Variants in MAP1S observed in about 807,000 individuals in gnomAD.
MAP1S encodes the protein microtubule-associated protein 1S.
In MAP1S, 27 loss-of-function variants were observed where a neutral mutation model predicts 60.9. The ratio of observed to expected loss-of-function variants is 0.44; its 90% CI spans 0.33 to 0.61. The LOEUF (loss-of-function observed/expected upper bound fraction) is 0.61, where lower values mean the gene tolerates loss of function less well. Among genes scored for constraint, MAP1S ranks in the 20% least tolerant of loss-of-function variants. The pLI is 0.03. For missense variants in MAP1S, 1,608 were observed against 1,486.6 expected (o/e 1.08, Z -1.34); for synonymous variants, 826 against 694.2 (o/e 1.19, Z -2.98).
chr19:17,724,714 G>A (rs1466159172), intron 3 of MAP1S, among the ~76,000 whole-genome samples: 1 of 152,140 alleles, frequency 6.6e-6, no homozygotes, highest in Non-Finnish European at 1.5e-5. Flanking sequence ...GTCTTTAAGA[G>A]ACAGAGTGAG....
At chr19:17,730,273 C>T (rs908075391) in intron 5 of MAP1S, among the ~76,000 whole-genome samples, 6 of 152,264 alleles carry the variant, frequency 3.9e-5, no homozygotes, top group Admixed American at 2.6e-4. Flanking sequence ...ATTTGTCTGT[C>T]TTCTTTGGAG....
intron 2 of MAP1S, among the ~76,000 whole-genome samples, chr19:17,721,680 G>GAACA (rs539457374): frequency 2.6e-5 from 4 of 152,232 alleles, no homozygotes; most frequent in East Asian, 1.9e-4. Flanking sequence ...CTCTGTCTCA[G>GAACA]AACAAACAAA....
chr19:17,725,977 C>T lies in MAP1S; in HGVS notation c.593C>T (p.Pro198Leu), dbSNP rs773060649. The change falls in exon 5 of 7, where the codon CCG (proline) becomes CTG (leucine). Residue 198 changes from proline (P) to leucine (L), a missense_variant. This residue lies in a region of MAP1S where 320 missense variants were observed against 393.1 expected (regional missense o/e 0.81). Transcript: ENST00000324096. The surrounding 1 kb of genome is among the most constrained non-coding windows in gnomAD (Gnocchi z 4.2). ...ALRLQLRLNP[P>L]AQLPNSEGLC... ...CGGCTCCAGCTGCGGCTGAACCCCC[C>T]GGCGCAGCTGCCCAACTCTGAGGGC... The T allele has an allele frequency of 8.1e-6, 13 of 1,612,078 alleles. No homozygotes were observed. The highest frequency in any genetic ancestry group is 1.7e-5 in the Admixed American group (1 of 59,804).
chr19:17,732,553 C>T (rs919411392), intron 5 of MAP1S, among the ~76,000 whole-genome samples: 4 of 152,318 alleles, frequency 2.6e-5, no homozygotes, highest in Admixed American at 6.5e-5. Flanking sequence ...ATCTTGGGCC[C>T]GCCTCTCAAG....
In MAP1S at chr19:17,725,853, C is replaced by G. The variant is rs781607559; in HGVS notation, c.469C>G (p.Pro157Ala). The part of the protein sequence containing the change: ...REIRDILATT[P>A]PPVQPPILTI... ...GATCCGGGACATCCTGGCCACCACGCCCCCACCTGTGCAGCCGCCCATACT... is the reference window on the plus strand; with the variant it reads ...GATCCGGGACATCCTGGCCACCACGGCCCCACCTGTGCAGCCGCCCATACT... Residue 157 changes from proline (P) to alanine (A), a missense_variant, in exon 5 of 7, where the codon CCC (proline) becomes GCC (alanine). This residue lies in a region of MAP1S where 320 missense variants were observed against 393.1 expected (regional missense o/e 0.81). Transcript: ENST00000324096. This position sits in a 1 kb window ranked among gnomAD's most constrained non-coding sequence, Gnocchi z 4.2. The G allele has an allele frequency of 8.1e-6, 13 of 1,612,804 alleles. No individual in the cohort carries two copies. The highest frequency in any genetic ancestry group is 6.7e-5 in the African/African-American group (5 of 74,936).
At chr19:17,728,208 C>T (rs771149344) in intron 5 of MAP1S, 36 bp downstream of exon 5, 2 of 1,529,996 alleles carry the variant, frequency 1.3e-6, no homozygotes, top group Admixed American at 2.1e-5. Context: ...GCTGGGTTAG[C>T]AGCTGCTTAG....
intron 5 of MAP1S, among the ~76,000 whole-genome samples, chr19:17,729,631 G>C (rs1263101827): frequency 6.6e-6 from 1 of 151,196 alleles, no homozygotes; most frequent in Non-Finnish European, 1.5e-5. Flanking sequence ...TCAACCTCCC[G>C]AACAGGTGGG....
rs369657030 is a variant in MAP1S, at chr19:17,727,033, A to C, written c.1649A>C (p.Asn550Thr). 1.2e-6 allele frequency: 2 copies of C among 1,604,286 alleles called. No individual in the cohort carries two copies. The highest frequency in any genetic ancestry group is 4.5e-5 in the East Asian group (2 of 44,478). ...CGCCGGGCAGCCTCTTCTGTGCCCA[A>C]CCTCAAGAAGACGAATGCCCAGGCG... Reference protein sequence around the residue: ...EVRRAASSVPNLKKTNAQAAP... With the variant: ...EVRRAASSVPTLKKTNAQAAP... The change falls in exon 5 of 7, where the codon AAC becomes ACC. Residue 550 changes from asparagine to threonine, a missense_variant. Physicochemically the swap from Asn to Thr is moderately conservative, Grantham distance 65. Transcript: ENST00000324096. This position sits in a 1 kb window ranked among gnomAD's most constrained non-coding sequence, Gnocchi z 4.1.
At position 17,719,554 on chromosome 19, in the gene MAP1S, C is replaced by G. The variant is rs1351612272; in HGVS notation, c.52C>G (p.Leu18Val). ...GAAAAPSSLL[L>V]VVGSEFGSPG... Reference sequence around the variant, plus strand: ...TGCCGCGGCTCCGAGCTCACTGCTCCTCGTGGTGGGCAGCGAGTTCGGGAG... The same window carrying G: ...TGCCGCGGCTCCGAGCTCACTGCTCGTCGTGGTGGGCAGCGAGTTCGGGAG... Residue 18 changes from leucine to valine, a missense_variant, in exon 1 of 7, where the codon CTC (leucine) becomes GTC (valine). Coordinates refer to ENST00000324096, the MANE Select transcript of MAP1S (RefSeq NM_018174.6). 1 of 1,246,132 alleles carries G rather than the reference C, an allele frequency of 8.0e-7. No homozygotes were observed. Among genetic ancestry groups the G allele is most frequent in the Non-Finnish European group, 1.0e-6 (1 of 987,588 alleles). The allele number at this position is 1,246,132 out of a possible 1,614,324, so 77.2% of individuals were successfully genotyped here. A position where few individuals can be genotyped will look rare whatever the true frequency, so the allele number is the denominator to read the frequency against.
At chr19:17,723,939 A>G (rs2080393743) in intron 2 of MAP1S, among the ~76,000 whole-genome samples, 187 bp from the exon 3 acceptor site, 1 of 152,332 alleles carries the variant, frequency 6.6e-6, no homozygotes, top group Middle Eastern at 3.4e-3. Context: ...CCCTCTGGTT[A>G]CTGCCTCTCT....
Position 17,727,043 on chromosome 19 carries a change from G to A in MAP1S, c.1659G>A (p.Lys553=), listed in dbSNP as rs1036208769. Residue 553 remains lysine, a synonymous_variant, in exon 5 of 7, where the codon AAG becomes AAA. Transcript: ENST00000324096. This position sits in a 1 kb window ranked among gnomAD's most constrained non-coding sequence, Gnocchi z 4.1. ...RAASSVPNLK[K]TNAQAAPKPR... is the part of the protein sequence containing the mutation. ...CCTCTTCTGTGCCCAACCTCAAGAAGACGAATGCCCAGGCGGCACCCAAGC... is the reference window on the plus strand; with the variant it reads ...CCTCTTCTGTGCCCAACCTCAAGAAAACGAATGCCCAGGCGGCACCCAAGC... 6.2e-7 allele frequency: 1 copy of A among 1,605,962 alleles called. No homozygotes were observed. Among genetic ancestry groups the A allele is most frequent in the African/African-American group, 1.3e-5 (1 of 74,806 alleles).
chr19:17,727,593 C>A lies in MAP1S; in HGVS notation c.2209C>A (p.Leu737Met). 6.2e-7 allele frequency: 1 copy of A among 1,607,430 alleles called. No individual in the cohort carries two copies. The highest frequency in any genetic ancestry group is 8.5e-7 in the Non-Finnish European group (1 of 1,179,716). Residue 737 changes from leucine to methionine, a missense_variant, in exon 5 of 7, where the codon CTG (leucine) becomes ATG (methionine). Physicochemically the swap from Leu to Met is conservative, Grantham distance 15 (BLOSUM62 2). Coordinates refer to ENST00000324096, the MANE Select transcript of MAP1S (RefSeq NM_018174.6). This position sits in a 1 kb window ranked among gnomAD's most constrained non-coding sequence, Gnocchi z 4.1. ...CTCGGCTTCCCCACACGATGTGGAC[C>A]TGTGCCTGGTGTCACCCTGTGAATT... ...RRSASPHDVD[L>M]CLVSPCEFEH...
chr19:17,731,437 G>C (rs2080492406), intron 5 of MAP1S, among the ~76,000 whole-genome samples: 2 of 152,050 alleles, frequency 1.3e-5, no homozygotes, highest in African/African-American at 4.8e-5. Context: ...TTTATTTCCG[G>C]GCCTCTATTG....
intron 2 of MAP1S, among the ~76,000 whole-genome samples, chr19:17,723,922 G>A (rs1191049893): frequency 6.6e-6 from 1 of 152,204 alleles, no homozygotes; most frequent in Non-Finnish European, 1.5e-5. Flanking sequence ...CCCTGCGCAC[G>A]ATGGGGCCCT....
chr19:17,726,103 G>A lies in MAP1S; in HGVS notation c.719G>A (p.Arg240Gln), dbSNP rs762265705. The change falls in exon 5 of 7, where the codon CGG (arginine) becomes CAG (glutamine). Residue 240 changes from arginine to glutamine, a missense_variant. By Grantham distance (43) the Arg-to-Gln change is conservative (BLOSUM62 1). Transcript: ENST00000324096. ...TCCGGGGGCTTCCTCAGGCTGGGCC[G>A]GCCCTGCTGCTACATCTTCCCTGGA... ...PTSGGFLRLG[R>Q]PCCYIFPGGL... The A allele has an allele frequency of 1.9e-6, 3 of 1,613,884 alleles. No homozygotes were observed. Among genetic ancestry groups the A allele is most frequent in the Non-Finnish European group, 2.5e-6 (3 of 1,179,940 alleles).
rs924274485 is a variant in MAP1S, at chr19:17,719,494, G to A, written c.-9G>A. The A allele has an allele frequency of 8.0e-7, 1 of 1,243,154 alleles. No homozygotes were observed. 77.0% of individuals were successfully genotyped at this position (1,243,154 alleles called of 1,614,324 possible). On this transcript the variant is annotated 5_prime_UTR_variant, in exon 1 of 7. Coordinates refer to ENST00000324096, the MANE Select transcript of MAP1S (RefSeq NM_018174.6). ...GGGCGGGCGCCGAGAACGCCGGGGC[G>A]GCCCGAAGATGGCGGCGGTGGCTGG... is the stretch of plus-strand genomic sequence containing the variant.
intron 1 of MAP1S, chr19:17,720,151 G>T: frequency 7.6e-7 from 1 of 1,309,250 alleles, no homozygotes; most frequent in Non-Finnish European, 9.7e-7. Context: ...GGCACCTAGG[G>T]AGGTGAGTCA....
At chr19:17,722,463 CTT>C (rs1310792291) in intron 2 of MAP1S, among the ~76,000 whole-genome samples, 2 of 151,804 alleles carry the variant, frequency 1.3e-5, no homozygotes, top group East Asian at 3.9e-4. Flanking sequence ...AAAAAATAAA[CTT>C]AGGCCTGACA....
In MAP1S at chr19:17,727,512, G is replaced by A. The variant is rs747693770; in HGVS notation, c.2128G>A (p.Ala710Thr). Residue 710 changes from alanine (A) to threonine (T), a missense_variant, in exon 5 of 7, where the codon GCC becomes ACC. This residue lies in a region of MAP1S where 1,167 missense variants were observed against 961.4 expected (regional missense o/e 1.21). Transcript: ENST00000324096. This position sits in a 1 kb window ranked among gnomAD's most constrained non-coding sequence, Gnocchi z 4.1. ...CTTTGAGCAGGTGCTGCCGCCATCC[G>A]CCCCCACCAGTGAGGCTGGGCTGAG... Reference protein sequence around the residue: ...VSFEQVLPPSAPTSEAGLSLP... With the variant: ...VSFEQVLPPSTPTSEAGLSLP... 2.0e-5 allele frequency: 33 copies of A among 1,610,464 alleles called. No individual in the cohort carries two copies. The South Asian group carries it at 2.1e-4, about 10-fold the overall frequency.
Sources: allele counts gnomAD v4.1 joint callset (sites outside exome capture counted in the v4.1 genomes callset), GRCh38; gene constraint gnomAD v4.1.1; regional missense constraint gnomAD v4.1.1; non-coding constraint Gnocchi (gnomAD v3.1); transcripts MANE v1.5; gene names NCBI Gene and HGNC (gene_info 2026-07-23, HGNC 2026-07-21).